The following ADAMTSL1 variants were observed in gnomAD, a reference collection of about 807,000 sequenced individuals.
The protein encoded by ADAMTSL1 is ADAMTS-like protein 1.
In ADAMTSL1, 126 loss-of-function variants were observed where a neutral mutation model predicts 201.8. That is an observed-to-expected ratio of 0.62 (90% CI 0.54 to 0.72). ADAMTSL1 has a LOEUF of 0.72. Ranked by LOEUF, ADAMTSL1 falls within the 30% of genes least tolerant of loss-of-function variation. ADAMTSL1 has a pLI of 0.00. For missense variants in ADAMTSL1, 2,679 were observed against 2,277.8 expected (o/e 1.18, Z -3.59); for synonymous variants, 1,121 against 903.4 (o/e 1.24, Z -4.32).
chr9:18,057,856 A>G (rs919281481), intron 1 of ADAMTSL1, among the ~76,000 whole-genome samples: 1 of 152,208 alleles, frequency 6.6e-6, no homozygotes, highest in Admixed American at 6.5e-5. Flanking sequence ...GAAGCTGACC[A>G]TCTTCTTTGA....
At chr9:18,098,757 G>T (rs753740028) in intron 1 of ADAMTSL1, among the ~76,000 whole-genome samples, 10 of 151,930 alleles carry the variant, frequency 6.6e-5, no homozygotes, top group African/African-American at 2.4e-4. Flanking sequence ...CTACTCTCTG[G>T]TGTCCTACCC....
chr9:18,281,864 C>A (rs1346640122), intron 2 of ADAMTSL1, among the ~76,000 whole-genome samples: 2 of 152,210 alleles, frequency 1.3e-5, no homozygotes, highest in Admixed American at 6.5e-5. Flanking sequence ...GCCACTGCAC[C>A]TGGCCCCATT....
intron 1 of ADAMTSL1, among the ~76,000 whole-genome samples, chr9:18,045,617 T>C (rs951530971): frequency 5.3e-5 from 8 of 152,136 alleles, no homozygotes; most frequent in African/African-American, 1.4e-4. Context: ...TGCCCTTCCA[T>C]AGAAATTCTC....
chr9:18,404,945 C>G (rs189395506), intron 2 of ADAMTSL1, among the ~76,000 whole-genome samples: 1 of 152,260 alleles, frequency 6.6e-6, no homozygotes, highest in African/African-American at 2.4e-5. Flanking sequence ...CTCTGTCTCT[C>G]CCTTTGCCCC....
At chr9:17,970,648 T>C (rs1236560710) in intron 1 of ADAMTSL1, among the ~76,000 whole-genome samples, 1 of 152,042 alleles carries the variant, frequency 6.6e-6, no homozygotes, top group Non-Finnish European at 1.5e-5. Flanking sequence ...ATGTTCCTCC[T>C]TACCCTTTAA....
chr9:18,028,357 T>C (rs1207829908), intron 1 of ADAMTSL1, among the ~76,000 whole-genome samples: 1 of 152,076 alleles, frequency 6.6e-6, no homozygotes, highest in Non-Finnish European at 1.5e-5. Context: ...TGGAAACAAA[T>C]TCACTTAATG....
chr9:18,270,971 C>A (rs538848601), intron 2 of ADAMTSL1, among the ~76,000 whole-genome samples: 1 of 152,218 alleles, frequency 6.6e-6, no homozygotes, highest in Admixed American at 6.5e-5. Context: ...TGGAAGGGGC[C>A]TGAGTCTCAG....
At chr9:18,036,948 A>G (rs1211211978) in intron 1 of ADAMTSL1, among the ~76,000 whole-genome samples, 1 of 152,180 alleles carries the variant, frequency 6.6e-6, no homozygotes, top group Non-Finnish European at 1.5e-5. Context: ...TTGGATGTGC[A>G]TCTAACCAAT....
intron 1 of ADAMTSL1, among the ~76,000 whole-genome samples, chr9:17,908,608 C>T (rs1276405264): frequency 6.6e-6 from 1 of 152,078 alleles, no homozygotes; most frequent in Non-Finnish European, 1.5e-5. Flanking sequence ...AGGCATTTGC[C>T]ACGACGCCTG....
intron 2 of ADAMTSL1, among the ~76,000 whole-genome samples, chr9:18,468,050 A>G (rs1821072304): frequency 6.6e-6 from 1 of 152,200 alleles, no homozygotes; most frequent in South Asian, 2.1e-4. Flanking sequence ...CATAATTCAA[A>G]CCTCAACAAT....
chr9:18,545,359 A>C (rs560835349), intron 3 of ADAMTSL1, among the ~76,000 whole-genome samples: 1 of 152,182 alleles, frequency 6.6e-6, no homozygotes, highest in Admixed American at 6.5e-5. Context: ...TTTCACCATA[A>C]CACCAGGAGC....
At chr9:18,856,771 T>C (rs536164780) in intron 23 of ADAMTSL1, among the ~76,000 whole-genome samples, 37 of 152,288 alleles carry the variant, frequency 2.4e-4, no homozygotes, top group African/African-American at 8.2e-4. Context: ...GAAGGATTTT[T>C]TTTTAATTTG....
chr9:18,325,145 T>C (rs944904917), intron 2 of ADAMTSL1, among the ~76,000 whole-genome samples: 13 of 152,196 alleles, frequency 8.5e-5, no homozygotes, highest in African/African-American at 2.9e-4. Flanking sequence ...ATGATGACTA[T>C]GTGAAGTGGT....
intron 13 of ADAMTSL1, among the ~76,000 whole-genome samples, chr9:18,701,967 TA>T (rs1399867876): frequency 6.6e-6 from 1 of 152,226 alleles, no homozygotes; most frequent in East Asian, 1.9e-4. Flanking sequence ...GAAAGAGGTT[TA>T]ATTGGACTTA....
At chr9:18,310,654 G>A (rs1410934725) in intron 2 of ADAMTSL1, among the ~76,000 whole-genome samples, 2 of 152,142 alleles carry the variant, frequency 1.3e-5, no homozygotes, top group African/African-American at 4.8e-5. Context: ...ACCACAATGA[G>A]ATACCATCTC....
chr9:18,460,705 G>T (rs1046689761), intron 2 of ADAMTSL1, among the ~76,000 whole-genome samples: 5 of 152,088 alleles, frequency 3.3e-5, no homozygotes, highest in Non-Finnish European at 5.9e-5. Flanking sequence ...ATTCTTCCCT[G>T]AACAGACCAA....
intron 13 of ADAMTSL1, among the ~76,000 whole-genome samples, chr9:18,696,633 G>T (rs1211320666): frequency 1.3e-5 from 2 of 152,116 alleles, no homozygotes. Context: ...ATCAAGGTAT[G>T]CGTGGCAGCC....
chr9:18,677,582 G>C (rs1830199694), intron 10 of ADAMTSL1, among the ~76,000 whole-genome samples: 1 of 151,888 alleles, frequency 6.6e-6, no homozygotes, highest in African/African-American at 2.4e-5. Flanking sequence ...TCCTGTAAAG[G>C]CAACTCCTAG....
chr9:18,155,531 A>G (rs1345828831), intron 1 of ADAMTSL1, among the ~76,000 whole-genome samples: 1 of 152,068 alleles, frequency 6.6e-6, no homozygotes, highest in Non-Finnish European at 1.5e-5. Context: ...ACAAATTTGT[A>G]AACTTTCTTA....
Sources: allele counts gnomAD v4.1 joint callset (sites outside exome capture counted in the v4.1 genomes callset), GRCh38; gene constraint gnomAD v4.1.1; transcripts MANE v1.5; gene names NCBI Gene and HGNC (gene_info 2026-07-23, HGNC 2026-07-21).